Variants in ULK2 observed in about 807,000 individuals in gnomAD.
ULK2 encodes unc-51 like autophagy activating kinase 2.
In ULK2, 76 loss-of-function variants were observed where a neutral mutation model predicts 127.5. That is an observed-to-expected ratio of 0.60 (90% CI 0.50 to 0.72). ULK2 has a LOEUF of 0.72. ULK2 is among the 30% of genes least tolerant of loss of function. The pLI is 0.00. For synonymous variants in ULK2, 452 were observed against 461.9 expected (o/e 0.98, Z 0.28); for missense variants, 1,144 against 1,295.9 (o/e 0.88, Z 1.80).
chr17:19,867,103 G>A (rs1292483722), intron 1 of ULK2, among the ~76,000 whole-genome samples: 6 of 152,126 alleles, frequency 3.9e-5, no homozygotes, highest in Non-Finnish European at 5.9e-5. Context: ...GGGCACACAG[G>A]AGGATCAGCA....
chr17:19,777,646 G>C lies in ULK2; in HGVS notation c.2987C>G (p.Ala996Gly). Reference protein sequence around the residue: ...EDIVYRYHKAALLLEGLSRIL... With the variant: ...EDIVYRYHKAGLLLEGLSRIL... ...CCTACTTAGGCCTTCCAAAAGAAGG[G>C]CTGCCTTATGATAGCGATAAACAAT... Residue 996 changes from alanine (A) to glycine (G), a missense_variant, in exon 26 of 27, where the codon GCC becomes GGC. By Grantham distance (60) the Ala-to-Gly change is moderately conservative. Coordinates refer to ENST00000395544, the MANE Select transcript of ULK2 (RefSeq NM_014683.4). The C allele has an allele frequency of 1.2e-6, 2 of 1,614,074 alleles. No homozygotes were observed. Among genetic ancestry groups the C allele is most frequent in the Middle Eastern group, 3.3e-4 (2 of 6,062 alleles).
In ULK2 at chr17:19,864,823, C is replaced by A; in HGVS notation, c.205G>T (p.Val69Leu). Residue 69 changes from valine (V) to leucine (L), a missense_variant, in exon 3 of 27, where the codon GTA (valine) becomes TTA (leucine). This residue lies in a region of ULK2 where 231 missense variants were observed against 325.4 expected (regional missense o/e 0.71). Transcript: ENST00000395544. The part of the protein sequence containing the change: ...ILKELQHENI[V>L]ALYDVQELPN... Reference sequence around the variant, plus strand: ...GGTACCTGAACATCATAGAGTGCTACAATATTTTCATGCTGAAGTTCCTAT... The same window carrying A: ...GGTACCTGAACATCATAGAGTGCTAAAATATTTTCATGCTGAAGTTCCTAT... 7.5e-7 allele frequency: 1 copy of A among 1,325,696 alleles called. No individual in the cohort carries two copies. Among genetic ancestry groups the A allele is most frequent in the Admixed American group, 2.5e-5 (1 of 39,652 alleles). 82.1% of individuals were successfully genotyped at this position (1,325,696 alleles called of 1,614,324 possible). A position where few individuals can be genotyped will look rare whatever the true frequency, so the allele number is the denominator to read the frequency against.
Position 19,797,403 on chromosome 17 carries a change from G to A in ULK2, c.1802C>T (p.Pro601Leu), listed in dbSNP as rs2087294996. ...KTPLPTIIGS[P>L]TKTTAPFKIP... ...AGGGTTTAATAAACAAACCTTAGTA[G>A]GAGAGCCAATGATTGTTGGCAAAGG... The change falls in exon 18 of 27, where the codon CCT becomes CTT. Residue 601 changes from proline to leucine, a missense_variant. Transcript: ENST00000395544. The A allele has an allele frequency of 1.9e-6, 3 of 1,612,458 alleles. No individual in the cohort carries two copies. The highest frequency in any genetic ancestry group is 1.3e-5 in the African/African-American group (1 of 74,896).
At chr17:19,813,672 T>C (rs953730373) in intron 13 of ULK2, among the ~76,000 whole-genome samples, 5 of 152,054 alleles carry the variant, frequency 3.3e-5, no homozygotes, top group African/African-American at 4.8e-5. Context: ...AGCACAAAGA[T>C]CTTGACAGGA....
intron 20 of ULK2, among the ~76,000 whole-genome samples, chr17:19,794,474 A>G (rs1056580326): frequency 6.6e-6 from 1 of 152,178 alleles, no homozygotes; most frequent in Non-Finnish European, 1.5e-5. Flanking sequence ...ACCTAAGCAT[A>G]TCATATTCAA....
At chr17:19,815,714 T>C (rs2040972263) in intron 13 of ULK2, among the ~76,000 whole-genome samples, 1 of 152,254 alleles carries the variant, frequency 6.6e-6, no homozygotes, top group South Asian at 2.1e-4. Context: ...TGTTTCATGA[T>C]TTTAAAAGTT....
At position 19,775,845 on chromosome 17, in the gene ULK2, T is replaced by A. The variant is rs1000456926; in HGVS notation, c.*504A>T. 6.5e-6 allele frequency: 1 copy of A among 152,878 alleles called. No homozygotes were observed. The highest frequency in any genetic ancestry group is 2.4e-5 in the African/African-American group (1 of 41,480). The allele number at this position is 152,878 out of a possible 1,614,324, so 9.5% of individuals were successfully genotyped here. A position where few individuals can be genotyped will look rare whatever the true frequency, so the allele number is the denominator to read the frequency against. On this transcript the variant is annotated 3_prime_UTR_variant, in exon 27 of 27. Transcript: ENST00000395544. ...TTTCTTCCAAGATCCATGTTTCACT[T>A]CTTCTTAAGCTATTTCTTCCTGAGC...
At chr17:19,786,132 T>C in intron 20 of ULK2, 46 bp from the exon 21 acceptor site, 2 of 1,521,210 alleles carry the variant, frequency 1.3e-6, no homozygotes, top group Non-Finnish European at 1.7e-6. Flanking sequence ...TGATAGTGTT[T>C]ATATCTGGGA....
intron 17 of ULK2, among the ~76,000 whole-genome samples, chr17:19,798,248 A>G (rs2087318054): frequency 6.6e-6 from 1 of 152,196 alleles, no homozygotes; most frequent in South Asian, 2.1e-4. Context: ...AAGCATGTGG[A>G]TTTTCTGTAC....
chr17:19,821,729 C>T (rs1343535722), intron 12 of ULK2, among the ~76,000 whole-genome samples: 1 of 151,894 alleles, frequency 6.6e-6, no homozygotes, highest in Non-Finnish European at 1.5e-5. Flanking sequence ...TAAAGGCTTC[C>T]TAAAATGATG....
chr17:19,839,508 T>C (rs951572532), intron 9 of ULK2, among the ~76,000 whole-genome samples: 6 of 148,210 alleles, frequency 4.0e-5, no homozygotes, highest in Non-Finnish European at 7.4e-5. Context: ...CCACTAAAAA[T>C]ACAAAAATTG....
In ULK2 at chr17:19,783,884, C is replaced by A; in HGVS notation, c.2273G>T (p.Gly758Val). The A allele has an allele frequency of 1.3e-6, 2 of 1,528,994 alleles. No individual in the cohort carries two copies. Among genetic ancestry groups the A allele is most frequent in the South Asian group, 1.3e-5 (1 of 76,604 alleles). The allele number at this position is 1,528,994 out of a possible 1,614,324, so 94.7% of individuals were successfully genotyped here. A position where few individuals can be genotyped will look rare whatever the true frequency, so the allele number is the denominator to read the frequency against. ...GCGGCCACTCATGGCACAAAGAGAG[C>A]CCCCGGAGTTGCTGGGCCCCACTAC... ...TTSVGPSNSG[G>V]SLCAMSGRVC... The change falls in exon 22 of 27, where the codon GGC (glycine) becomes GTC (valine). Residue 758 changes from glycine (G) to valine (V), a missense_variant. Gly to Val is a moderately radical substitution (Grantham distance 109). This residue lies in a region of ULK2 where 913 missense variants were observed against 970.5 expected (regional missense o/e 0.94). Coordinates refer to ENST00000395544, the MANE Select transcript of ULK2 (RefSeq NM_014683.4).
chr17:19,777,950 G>A (rs1377603734), intron 25 of ULK2, among the ~76,000 whole-genome samples: 1 of 152,178 alleles, frequency 6.6e-6, no homozygotes, highest in East Asian at 1.9e-4. Flanking sequence ...TCAGAGGTAT[G>A]CTTCATAAAT....
chr17:19,857,516 T>A (rs2042159618), intron 3 of ULK2, among the ~76,000 whole-genome samples: 1 of 152,174 alleles, frequency 6.6e-6, no homozygotes. Flanking sequence ...GAGAATGGTG[T>A]TCCAATTCTA....
rs1264208988 is a variant in ULK2 at position 19,771,621 on chromosome 17, G to A, written c.*4728C>T. ...GAGCCCTTCCACGTGCCAGGGGCTG[G>A]GCAAAGAATTTCATATTCATTAACT... On this transcript the variant is annotated 3_prime_UTR_variant, in exon 27 of 27. Transcript: ENST00000395544. 6.6e-6 allele frequency: 1 copy of A among 152,170 alleles called. No homozygotes were observed. Among genetic ancestry groups the A allele is most frequent in the Non-Finnish European group, 1.5e-5 (1 of 68,052 alleles). The allele number at this position is 152,170 out of a possible 1,614,324, so 9.4% of individuals were successfully genotyped here. A position where few individuals can be genotyped will look rare whatever the true frequency, so the allele number is the denominator to read the frequency against.
intron 12 of ULK2, among the ~76,000 whole-genome samples, chr17:19,824,075 G>A (rs529057872): frequency 6.6e-6 from 1 of 152,266 alleles, no homozygotes; most frequent in African/African-American, 2.4e-5. Flanking sequence ...GACAGGTAAG[G>A]TACATGGAGG....
chr17:19,846,894 A>G lies in ULK2; in HGVS notation c.312T>C (p.Ser104=), dbSNP rs1265806593. 1.2e-6 allele frequency: 2 copies of G among 1,610,432 alleles called. No homozygotes were observed. The highest frequency in any genetic ancestry group is 2.2e-5 in the South Asian group (2 of 89,994). Residue 104 remains serine (S), a synonymous_variant, in exon 6 of 27, where the codon AGT becomes AGC. Transcript: ENST00000395544. ...GCAGAAACACTCTGATCGTGTCTTC[A>G]CTGAGAGTCCCTTTCGCTGGTACAA... ...ADYLQAKGTL[S]EDTIRVFLHQ... is the part of the protein sequence containing the mutation.
At chr17:19,812,032 T>C (rs534101192) in intron 13 of ULK2, among the ~76,000 whole-genome samples, 1 of 152,306 alleles carries the variant, frequency 6.6e-6, no homozygotes, top group Admixed American at 6.5e-5. Context: ...ATAAAGTTGA[T>C]GGACGAGTAG....
At chr17:19,858,845 C>T (rs981291189) in intron 3 of ULK2, among the ~76,000 whole-genome samples, 1 of 152,124 alleles carries the variant, frequency 6.6e-6, no homozygotes, top group African/African-American at 2.4e-5. Context: ...TGGTGGGCGC[C>T]TGTAATCCCA....
Sources: allele counts gnomAD v4.1 joint callset (sites outside exome capture counted in the v4.1 genomes callset), GRCh38; gene constraint gnomAD v4.1.1; regional missense constraint gnomAD v4.1.1; transcripts MANE v1.5; gene names NCBI Gene and HGNC (gene_info 2026-07-23, HGNC 2026-07-21).